The following SLC38A12 variants were observed in gnomAD, a reference collection of about 807,000 sequenced individuals.
The protein encoded by SLC38A12 is putative sodium-coupled neutral amino acid transporter 12.
chr17:74,822,838 C>T, the SLC38A12 span, among the ~76,000 whole-genome samples: 62 of 152,328 alleles, frequency 4.1e-4, no homozygotes, highest in African/African-American at 1.3e-3. Context: ...CTCCCAGCCC[C>T]GGGCAGCAGC....
At chr17:74,785,437 A>G in the SLC38A12 span, 1 of 1,594,838 alleles carries the variant, frequency 6.3e-7, no homozygotes, top group Non-Finnish European at 8.6e-7. Flanking sequence ...TAAGGGGAGA[A>G]GTTGATTAAG....
At chr17:74,777,299 C>T in the SLC38A12 span, 1 of 1,614,112 alleles carries the variant, frequency 6.2e-7, no homozygotes. Flanking sequence ...ACCTAAGGAA[C>T]CTCTGCTGCC....
At chr17:74,832,993 T>C in the SLC38A12 span, among the ~76,000 whole-genome samples, 1,389 of 152,016 alleles carry the variant, frequency 9.1e-3, 25 homozygotes, top group African/African-American at 0.028. Context: ...CATGAAATCC[T>C]TTTTTAATCA....
the SLC38A12 span, chr17:74,819,682 C>T: frequency 1.4e-5 from 20 of 1,471,254 alleles, no homozygotes; most frequent in East Asian, 4.5e-5. Context: ...TGAGCAGCAG[C>T]GTCTTCCGTG....
the SLC38A12 span, among the ~76,000 whole-genome samples, chr17:74,778,211 A>G: frequency 6.6e-6 from 1 of 152,178 alleles, no homozygotes; most frequent in African/African-American, 2.4e-5. Flanking sequence ...TGCCCCCAAC[A>G]CACACGCAGT....
the SLC38A12 span, among the ~76,000 whole-genome samples, chr17:74,827,245 G>C: frequency 1.1e-4 from 16 of 151,818 alleles, no homozygotes; most frequent in Non-Finnish European, 2.9e-5. The surrounding 1 kb of genome is among the most constrained non-coding windows in gnomAD (Gnocchi z 4.7). Flanking sequence ...GGTTTTACCA[G>C]CACGGCACTG....
the SLC38A12 span, chr17:74,839,632 C>A: frequency 1.9e-5 from 3 of 158,340 alleles, no homozygotes; most frequent in African/African-American, 4.8e-5. Context: ...CAGCGAGCCT[C>A]CGTGACCTGT....
the SLC38A12 span, among the ~76,000 whole-genome samples, chr17:74,825,353 T>C: frequency 3.3e-5 from 5 of 152,312 alleles, no homozygotes; most frequent in South Asian, 4.1e-4. Context: ...TATGTTTCAT[T>C]TTGGTCTTAA....
the SLC38A12 span, chr17:74,795,125 T>C: frequency 2.3e-4 from 371 of 1,612,920 alleles, no homozygotes; most frequent in African/African-American, 3.7e-3. Context: ...AGTACCCTCC[T>C]GGCCCCCAGG....
chr17:74,817,667 C>T, the SLC38A12 span, among the ~76,000 whole-genome samples: 1 of 152,192 alleles, frequency 6.6e-6, no homozygotes, highest in Non-Finnish European at 1.5e-5. Context: ...TCTTGACAAG[C>T]ATCTGCCGAG....
chr17:74,794,961 C>A, the SLC38A12 span: 18 of 1,377,998 alleles, frequency 1.3e-5, no homozygotes, highest in Non-Finnish European at 1.5e-5. Context: ...AAAAAAAAAA[C>A]ATGCAGACAT....
the SLC38A12 span, among the ~76,000 whole-genome samples, chr17:74,804,322 C>G: frequency 6.6e-6 from 1 of 152,258 alleles, no homozygotes; most frequent in Non-Finnish European, 1.5e-5. Context: ...CGGTGCTGGC[C>G]CTGCACACTG....
chr17:74,804,763 C>T, the SLC38A12 span, among the ~76,000 whole-genome samples: 1 of 152,328 alleles, frequency 6.6e-6, no homozygotes, highest in Non-Finnish European at 1.5e-5. Flanking sequence ...AATGCAGGGA[C>T]TGGTATTGGG....
At chr17:74,817,865 C>T in the SLC38A12 span, among the ~76,000 whole-genome samples, 2 of 152,156 alleles carry the variant, frequency 1.3e-5, no homozygotes, top group Non-Finnish European at 2.9e-5. Flanking sequence ...CCAAGATCTC[C>T]AGCCCCCACA....
At chr17:74,794,796 A>G in the SLC38A12 span, among the ~76,000 whole-genome samples, 3 of 152,288 alleles carry the variant, frequency 2.0e-5, no homozygotes, top group Non-Finnish European at 2.9e-5. Context: ...GGTGAAAGTC[A>G]TGAGCCGATC....
At chr17:74,792,525 T>C in the SLC38A12 span, among the ~76,000 whole-genome samples, 1 of 152,136 alleles carries the variant, frequency 6.6e-6, no homozygotes, top group Admixed American at 6.6e-5. Context: ...TCATTGAGAG[T>C]CAGTCACATT....
the SLC38A12 span, among the ~76,000 whole-genome samples, chr17:74,815,112 G>A: frequency 1.3e-5 from 2 of 152,186 alleles, no homozygotes; most frequent in Non-Finnish European, 1.5e-5. Flanking sequence ...CTTTCTGGCT[G>A]TGTCACTGAA....
At chr17:74,819,806 G>A in the SLC38A12 span, 2 of 1,614,232 alleles carry the variant, frequency 1.2e-6, no homozygotes, top group Non-Finnish European at 1.7e-6. Context: ...AGAAGACCAA[G>A]TACCTGCAGA....
chr17:74,830,050 C>G, the SLC38A12 span, among the ~76,000 whole-genome samples: 4 of 152,158 alleles, frequency 2.6e-5, no homozygotes, highest in South Asian at 8.3e-4. Flanking sequence ...ATCTTTCTGT[C>G]CCTGCCCACA....
Sources: allele counts gnomAD v4.1 joint callset (sites outside exome capture counted in the v4.1 genomes callset), GRCh38; gene constraint gnomAD v4.1.1; non-coding constraint Gnocchi (gnomAD v3.1); transcripts MANE v1.5; gene names NCBI Gene and HGNC (gene_info 2026-07-23, HGNC 2026-07-21).